The following RMDN2 variants were observed in gnomAD, a reference collection of about 807,000 sequenced individuals.
RMDN2 encodes regulator of microtubule dynamics 2.
In RMDN2, 61 loss-of-function variants were observed where a neutral mutation model predicts 52.8. That is an observed-to-expected ratio of 1.16 (90% confidence interval 0.94 to 1.43). RMDN2 has a LOEUF of 1.43. Ranked by LOEUF, RMDN2 falls within the 40% of genes most tolerant of loss-of-function variation. The pLI, the probability that RMDN2 is intolerant of heterozygous loss-of-function variation, is 0.00. For missense variants in RMDN2, 592 were observed against 475.3 expected (o/e 1.25, Z -2.28); for synonymous variants, 180 against 153.1 (o/e 1.18, Z -1.30).
At chr2:37,994,802 A>C (rs1453565745) in intron 7 of RMDN2, among the ~76,000 whole-genome samples, 1 of 152,220 alleles carries the variant, frequency 6.6e-6, no homozygotes, top group Non-Finnish European at 1.5e-5. Flanking sequence ...AAGAGAAATA[A>C]AAATATATGC....
intron 10 of RMDN2, among the ~76,000 whole-genome samples, chr2:38,004,968 G>A (rs372320497): frequency 1.5e-4 from 23 of 151,868 alleles, no homozygotes; most frequent in African/African-American, 4.8e-4. Context: ...TTGTCCTTGC[G>A]ATAGTTTGCT....
In RMDN2 at chr2:38,008,673, G is replaced by A. The variant is rs190255352; in HGVS notation, c.1179+4457G>A. Among the ~76,000 whole-genome samples, 4 of 152,272 alleles carry A rather than the reference G, an allele frequency of 2.6e-5. No homozygotes were observed. The East Asian group carries it at 5.8e-4, about 22-fold the overall frequency. On this transcript the variant is annotated intron_variant, in intron 10 of 10. Transcript: ENST00000354545. ...GACTCTTTATCCAATTGGCCTGTCT[G>A]TGTCTTAGTTGGAGCATTTAGCCCA...
chr2:37,923,255 T>C (rs1666082281), upstream of RMDN2: 1 of 152,196 alleles, frequency 6.6e-6, no homozygotes, highest in African/African-American at 2.4e-5. Flanking sequence ...TAATTTTTAC[T>C]CATCAAGGAA....
At chr2:37,970,134 T>C (rs1186071945) in intron 2 of RMDN2, among the ~76,000 whole-genome samples, 1 of 152,172 alleles carries the variant, frequency 6.6e-6, no homozygotes. Flanking sequence ...TGTTTTGCCA[T>C]GTTGTGCAGG....
intron 10 of RMDN2, among the ~76,000 whole-genome samples, chr2:38,011,548 A>T (rs561784990): frequency 1.3e-5 from 2 of 152,214 alleles, no homozygotes; most frequent in African/African-American, 4.8e-5. Flanking sequence ...GATCTGAACT[A>T]TAAACAAATA....
intron 8 of RMDN2, among the ~76,000 whole-genome samples, chr2:37,999,666 A>G (rs77208432): frequency 1.3e-5 from 2 of 152,242 alleles, no homozygotes; most frequent in East Asian, 3.9e-4. Flanking sequence ...GAAACAGCAC[A>G]GACCCTGGCT....
chr2:38,047,520 A>G (rs1681345894), intron 10 of RMDN2, among the ~76,000 whole-genome samples: 1 of 152,226 alleles, frequency 6.6e-6, no homozygotes, highest in African/African-American at 2.4e-5. Context: ...ATGCAAAACA[A>G]ACAAACACAA....
chr2:37,962,634 G>C (rs1326354284), intron 2 of RMDN2, among the ~76,000 whole-genome samples: 1 of 152,146 alleles, frequency 6.6e-6, no homozygotes, highest in Middle Eastern at 3.2e-3. Flanking sequence ...GGCTCCATGG[G>C]GGTGGGATCC....
chr2:37,982,971 T>G (rs998665103), intron 5 of RMDN2, among the ~76,000 whole-genome samples: 1 of 152,094 alleles, frequency 6.6e-6, no homozygotes, highest in Non-Finnish European at 1.5e-5. Flanking sequence ...TTAGCCTAAT[T>G]AGGATGCAGA....
At chr2:38,000,262 G>GC (rs1676131878) in intron 8 of RMDN2, among the ~76,000 whole-genome samples, 1 of 152,208 alleles carries the variant, frequency 6.6e-6, no homozygotes, top group East Asian at 1.9e-4. Context: ...GCTGTGCATT[G>GC]CAGTCATCTG....
upstream of RMDN2, among the ~76,000 whole-genome samples, chr2:37,924,955 G>C (rs762965496): frequency 9.2e-5 from 14 of 152,226 alleles, no homozygotes; most frequent in South Asian, 8.3e-4. Context: ...ACAGAAAAAG[G>C]TTTAACTAGG....
At chr2:37,985,660 T>G (rs1673910060) in intron 5 of RMDN2, among the ~76,000 whole-genome samples, 1 of 152,136 alleles carries the variant, frequency 6.6e-6, no homozygotes, top group Admixed American at 6.5e-5. Flanking sequence ...ATAGAAAGTA[T>G]GCTTGTAAAA....
chr2:37,997,230 CATG>C (rs1021897576), intron 7 of RMDN2, among the ~76,000 whole-genome samples, 183 bp from the exon 8 acceptor site: 6 of 152,096 alleles, frequency 3.9e-5, no homozygotes, highest in South Asian at 2.1e-4. Context: ...AAAATATTAA[CATG>C]AATACCATGA....
chr2:37,928,217 T>C (rs1304238378), intron 1 of RMDN2, among the ~76,000 whole-genome samples: 1 of 152,168 alleles, frequency 6.6e-6, no homozygotes, highest in Non-Finnish European at 1.5e-5. Context: ...TATACTCTAG[T>C]GAAATAGGAA....
chr2:38,059,995 T>C (rs1681979349), intron 10 of RMDN2, among the ~76,000 whole-genome samples: 1 of 152,286 alleles, frequency 6.6e-6, no homozygotes, highest in African/African-American at 2.4e-5. Flanking sequence ...CCTCTCAGGT[T>C]CAAATGATTT....
At chr2:37,933,757 C>T (rs1450030297) in intron 2 of RMDN2, among the ~76,000 whole-genome samples, 2 of 149,192 alleles carry the variant, frequency 1.3e-5, no homozygotes, top group African/African-American at 5.1e-5. Flanking sequence ...CAGAGGGAGA[C>T]CGTGGAAAGA....
At chr2:37,981,198 A>T in intron 4 of RMDN2, 85 bp from the exon 5 acceptor site, 1 of 867,000 alleles carries the variant, frequency 1.2e-6, no homozygotes, top group Non-Finnish European at 2.0e-6. Flanking sequence ...TTGGGACCAT[A>T]CTTTGTGAAC....
intron 2 of RMDN2, among the ~76,000 whole-genome samples, chr2:37,943,029 C>T (rs1273567207): frequency 1.3e-5 from 2 of 152,180 alleles, no homozygotes; most frequent in Admixed American, 6.5e-5. Context: ...GAGATTGAAG[C>T]CACTGCCAGC....
At chr2:37,922,201 G>A (rs980760207), upstream of RMDN2, among the ~76,000 whole-genome samples, 1 of 152,124 alleles carries the variant, frequency 6.6e-6, no homozygotes, top group Non-Finnish European at 1.5e-5. Context: ...TCTTTGAAGC[G>A]GGGGTTGGGG....
Sources: allele counts gnomAD v4.1 joint callset (sites outside exome capture counted in the v4.1 genomes callset), GRCh38; gene constraint gnomAD v4.1.1; transcripts MANE v1.5; gene names NCBI Gene and HGNC (gene_info 2026-07-23, HGNC 2026-07-21).